Variants in GRID2 observed in about 807,000 individuals in gnomAD.
GRID2 encodes the protein glutamate receptor ionotropic, delta-2.
GRID2 carries 33 observed loss-of-function variants against 114.8 expected under a neutral mutation model. That is an observed-to-expected ratio of 0.29 (90% CI 0.22 to 0.38). GRID2 has a LOEUF of 0.38. Ranked by LOEUF, GRID2 falls within the 10% of genes least tolerant of loss-of-function variation. The probability of loss-of-function intolerance (pLI) is 1.00; values close to 1 mark genes in which losing one functional copy is unlikely to be tolerated. For missense variants in GRID2, 1,184 were observed against 1,257.7 expected, an observed-to-expected ratio of 0.94 and a Z score of 0.89; for synonymous variants, 505 against 449.9, an observed-to-expected ratio of 1.12 and a Z score of -1.55.
At chr4:92,817,838 A>AT (rs1741009938) in intron 2 of GRID2, among the ~76,000 whole-genome samples, 2 of 151,816 alleles carry the variant, frequency 1.3e-5, no homozygotes, top group African/African-American at 2.4e-5. Flanking sequence ...AGCCTTGCCA[A>AT]TTTTTTTACA....
intron 2 of GRID2, among the ~76,000 whole-genome samples, chr4:93,072,654 GA>G (rs76834573): frequency 0.03 from 4,115 of 138,346 alleles, 82 homozygotes; most frequent in East Asian, 0.15. Context: ...GCAACTATTT[GA>G]AAAAAAAAAA....
At chr4:93,730,608 T>A (rs539034799) in intron 14 of GRID2, among the ~76,000 whole-genome samples, 1 of 152,160 alleles carries the variant, frequency 6.6e-6, no homozygotes, top group South Asian at 2.1e-4. Flanking sequence ...TTGGTCAAGA[T>A]GAGGTAGATC....
At chr4:93,558,283 T>C (rs1734523991) in intron 13 of GRID2, among the ~76,000 whole-genome samples, 1 of 151,858 alleles carries the variant, frequency 6.6e-6, no homozygotes, top group Admixed American at 6.6e-5. Context: ...CCTTCAAAAA[T>C]CAATGAATCC....
chr4:93,776,907 A>C (rs1206836556), downstream of GRID2, among the ~76,000 whole-genome samples: 2 of 152,168 alleles, frequency 1.3e-5, no homozygotes, highest in East Asian at 3.8e-4. Context: ...CTCCTTTTCT[A>C]TCCCTGCAAA....
intron 2 of GRID2, among the ~76,000 whole-genome samples, chr4:92,912,155 A>T (rs1748434183): frequency 6.6e-6 from 1 of 151,880 alleles, no homozygotes; most frequent in South Asian, 2.1e-4. Flanking sequence ...AGGATATTAT[A>T]TTTCAGTCTT....
At chr4:93,251,415 G>A (rs1748916036) in intron 8 of GRID2, among the ~76,000 whole-genome samples, 1 of 151,958 alleles carries the variant, frequency 6.6e-6, no homozygotes, top group Non-Finnish European at 1.5e-5. Flanking sequence ...TATAACACTA[G>A]GTTATAAAAT....
At chr4:93,743,399 C>T (rs1731577337) in intron 14 of GRID2, among the ~76,000 whole-genome samples, 1 of 152,338 alleles carries the variant, frequency 6.6e-6, no homozygotes, top group South Asian at 2.1e-4. Context: ...CACTAAACAA[C>T]AGATTTTCAA....
At chr4:93,021,204 A>T (rs1166319730) in intron 2 of GRID2, among the ~76,000 whole-genome samples, 2 of 152,020 alleles carry the variant, frequency 1.3e-5, no homozygotes, top group Admixed American at 1.3e-4. Context: ...TGTATTATTC[A>T]TGAAAATAAC....
chr4:93,105,040 G>T (rs374627890), intron 3 of GRID2, among the ~76,000 whole-genome samples: 12 of 151,892 alleles, frequency 7.9e-5, no homozygotes, highest in Non-Finnish European at 1.0e-4. Flanking sequence ...GTTTTGATTT[G>T]CATTTCTCTG....
intron 14 of GRID2, among the ~76,000 whole-genome samples, chr4:93,727,160 A>T: frequency 6.6e-6 from 1 of 152,168 alleles, no homozygotes; most frequent in Non-Finnish European, 1.5e-5. Context: ...GATACGTCCC[A>T]TCAATACCTA....
At chr4:93,592,229 T>G (rs1738432418) in intron 13 of GRID2, among the ~76,000 whole-genome samples, 1 of 152,102 alleles carries the variant, frequency 6.6e-6, no homozygotes, top group Non-Finnish European at 1.5e-5. Flanking sequence ...CTGCTTTGAA[T>G]GCATCCCAGA....
At chr4:93,688,713 T>G (rs7669564) in intron 14 of GRID2, among the ~76,000 whole-genome samples, 86,551 of 151,860 alleles carry the variant, frequency 0.57, 25,295 homozygotes, top group East Asian at 0.74. Flanking sequence ...GTGGCCCTCT[T>G]ATAAGTACTT....
chr4:92,369,847 A>T (rs1286339560), intron 1 of GRID2, among the ~76,000 whole-genome samples: 3 of 152,176 alleles, frequency 2.0e-5, no homozygotes, highest in Admixed American at 2.0e-4. Context: ...TTTACCAGTT[A>T]AAAAACCTCA....
chr4:93,465,491 A>C (rs2149426417), intron 11 of GRID2, among the ~76,000 whole-genome samples: 1 of 152,306 alleles, frequency 6.6e-6, no homozygotes, highest in Non-Finnish European at 1.5e-5. Flanking sequence ...ACATTTGACA[A>C]GTTTTTTAAC....
chr4:92,624,934 G>A (rs1209689836), intron 2 of GRID2, among the ~76,000 whole-genome samples: 1 of 151,748 alleles, frequency 6.6e-6, no homozygotes, highest in African/African-American at 2.4e-5. Context: ...ATTTCCTCTG[G>A]TTACTTTATC....
intron 2 of GRID2, among the ~76,000 whole-genome samples, chr4:93,019,280 AT>A (rs1050927246): frequency 5.3e-5 from 8 of 152,140 alleles, no homozygotes; most frequent in African/African-American, 1.7e-4. Context: ...AAATACCACA[AT>A]TTTTTTTATT....
intron 1 of GRID2, among the ~76,000 whole-genome samples, chr4:92,315,993 C>CAAAAAAAAAAAAAAAAAAAAAAAA (rs778361565): frequency 1.2e-3 from 74 of 61,818 alleles, no homozygotes; most frequent in East Asian, 1.5e-3. Context: ...AAACAAAAAG[C>CAAAAAAAAAAAAAAAAAAAAAAAA]AAAAAAAAAA....
chr4:92,618,806 T>C (rs1730133866), intron 2 of GRID2, among the ~76,000 whole-genome samples: 2 of 151,772 alleles, frequency 1.3e-5, no homozygotes. Context: ...AGTGGGATTA[T>C]GGTTTTTATT....
At chr4:93,222,255 G>A (rs2149489688) in intron 6 of GRID2, among the ~76,000 whole-genome samples, 1 of 152,146 alleles carries the variant, frequency 6.6e-6, no homozygotes, top group South Asian at 2.1e-4. Context: ...ATTCTGATAT[G>A]TTTCAAAGAC....
Sources: gnomAD v4.1 joint callset for allele counts (sites outside exome capture counted in the v4.1 genomes callset) on GRCh38, gnomAD v4.1.1 for gene constraint, MANE v1.5 for transcripts, NCBI Gene and HGNC (gene_info 2026-07-23, HGNC 2026-07-21) for gene names.